Variants in PDE8A observed in about 807,000 individuals in gnomAD.
PDE8A encodes the protein phosphodiesterase 8A, also known as high affinity cAMP-specific and IBMX-insensitive 3',5'-cyclic phosphodiesterase 8A.
Under a neutral mutation model 105.0 loss-of-function variants are expected in PDE8A, and 59 were observed. The observed-to-expected ratio is 0.56, with a 90% CI of 0.46 to 0.70. PDE8A has a LOEUF of 0.70. PDE8A is among the 30% of genes least tolerant of loss of function. PDE8A has a pLI of 0.00. For synonymous variants in PDE8A, 355 were observed against 371.9 expected, an observed-to-expected ratio of 0.95 and a Z score of 0.52; for missense variants, 1,014 against 1,045.9, an observed-to-expected ratio of 0.97 and a Z score of 0.42.
intron 21 of PDE8A, among the ~76,000 whole-genome samples, chr15:85,137,084 GC>G (rs1416386621): frequency 6.6e-6 from 1 of 152,126 alleles, no homozygotes; most frequent in Non-Finnish European, 1.5e-5. Flanking sequence ...TTCAGGTGGG[GC>G]ACAGGAGTCT....
intron 12 of PDE8A, among the ~76,000 whole-genome samples, chr15:85,112,805 G>C (rs889529876): frequency 6.6e-6 from 1 of 152,176 alleles, no homozygotes; most frequent in Non-Finnish European, 1.5e-5. Context: ...TATCTTGACA[G>C]GAACAACAGA....
chr15:85,083,810 G>T (rs1004668928), intron 6 of PDE8A, among the ~76,000 whole-genome samples, 166 bp downstream of exon 6: 9 of 152,198 alleles, frequency 5.9e-5, no homozygotes, highest in Admixed American at 2.6e-4. Flanking sequence ...CTGCCTGGAT[G>T]TCTAATAAGG....
intron 11 of PDE8A, among the ~76,000 whole-genome samples, chr15:85,102,927 A>C (rs1596522168): frequency 6.7e-6 from 1 of 149,764 alleles, no homozygotes; most frequent in Non-Finnish European, 1.5e-5. Context: ...TGAGGCTCAG[A>C]AAAGTTCAAT....
rs546194907 is a variant in PDE8A at position 85,119,468 on chromosome 15, C to CAA, written c.1735-1317_1735-1316dup. 1.4e-3 allele frequency among the ~76,000 whole-genome samples: 82 copies of CAA among 58,558 alleles called. 11 individuals carry two copies. Among genetic ancestry groups the CAA allele is most frequent in the African/African-American group, 4.3e-3 (67 of 15,630 alleles). The allele number at this position is 58,558 out of a possible 152,430, so 38.4% of individuals were successfully genotyped here. A position where few individuals can be genotyped will look rare whatever the true frequency, so the allele number is the denominator to read the frequency against. Reference sequence around the variant, plus strand: ...GGGTGACAGAGCAAGACTCTCGTCTCAAAAAAAAAAAAACATTTATTGAAA... The same window carrying CAA: ...GGGTGACAGAGCAAGACTCTCGTCTCAAAAAAAAAAAAAAACATTTATTGAAA... On this transcript the variant is annotated intron_variant, in intron 17 of 21. Coordinates refer to ENST00000394553, the MANE Select transcript of PDE8A (RefSeq NM_002605.3).
At chr15:85,025,607 A>G (rs1431977944) in intron 1 of PDE8A, among the ~76,000 whole-genome samples, 1 of 152,200 alleles carries the variant, frequency 6.6e-6, no homozygotes, top group African/African-American at 2.4e-5. Flanking sequence ...TTAGACTGCT[A>G]ATCCTTAACA....
chr15:85,066,431 C>T (rs983973070), intron 2 of PDE8A, among the ~76,000 whole-genome samples: 4 of 151,806 alleles, frequency 2.6e-5, no homozygotes, highest in African/African-American at 9.7e-5. Context: ...CATGTGGTGG[C>T]GCACACCTGT....
intron 20 of PDE8A, among the ~76,000 whole-genome samples, chr15:85,130,044 G>A (rs2082309184): frequency 6.6e-6 from 1 of 152,188 alleles, no homozygotes; most frequent in Admixed American, 6.5e-5. Context: ...GGCTGTGCAA[G>A]CATAGAACTA....
intron 1 of PDE8A, among the ~76,000 whole-genome samples, chr15:85,042,630 A>G (rs1327134389): frequency 6.6e-6 from 1 of 152,218 alleles, no homozygotes; most frequent in East Asian, 1.9e-4. Context: ...CAGAGATAGC[A>G]TGTTTAGCTT....
At chr15:85,133,730 A>T (rs1431871169) in intron 20 of PDE8A, among the ~76,000 whole-genome samples, 1 of 152,188 alleles carries the variant, frequency 6.6e-6, no homozygotes, top group Non-Finnish European at 1.5e-5. Flanking sequence ...ACATTAAGAT[A>T]CAGTTGCTTC....
chr15:85,019,278 A>G (rs775962933), intron 1 of PDE8A, among the ~76,000 whole-genome samples: 1 of 152,242 alleles, frequency 6.6e-6, no homozygotes, highest in Non-Finnish European at 1.5e-5. Flanking sequence ...AAATCTGCAT[A>G]CACACATAGA....
intron 1 of PDE8A, among the ~76,000 whole-genome samples, chr15:85,033,693 C>A (rs531363763): frequency 1.3e-5 from 2 of 151,982 alleles, no homozygotes; most frequent in South Asian, 4.2e-4. Context: ...GGTGAAACCC[C>A]GTCTCTACTA....
Position 84,982,241 on chromosome 15 carries a change from T to TCG in PDE8A, c.80_81dup (p.Ser28ArgfsTer37). Reference sequence around the variant, plus strand: ...GCCTAGCCCCGCGGCACCGCCGCTGTCGTCCGGCGGGCCGCGCCTCCCGCA... The same window carrying TCG: ...GCCTAGCCCCGCGGCACCGCCGCTGTCGCGTCCGGCGGGCCGCGCCTCCCGCA... On this transcript the variant is annotated frameshift_variant, in exon 1 of 22. Coordinates refer to ENST00000394553, the MANE Select transcript of PDE8A (RefSeq NM_002605.3). LOFTEE classifies it high-confidence loss of function. The TCG allele has an allele frequency of 6.8e-7, 1 of 1,464,908 alleles. No individual in the cohort carries two copies. The highest frequency in any genetic ancestry group is 2.6e-5 in the Admixed American group (1 of 39,182). 90.7% of individuals were successfully genotyped at this position (1,464,908 alleles called of 1,614,324 possible).
At chr15:85,018,610 A>T (rs946111985) in intron 1 of PDE8A, among the ~76,000 whole-genome samples, 1 of 152,184 alleles carries the variant, frequency 6.6e-6, no homozygotes, top group Non-Finnish European at 1.5e-5. Context: ...AATTATGTGT[A>T]TATATCTTAT....
intron 1 of PDE8A, among the ~76,000 whole-genome samples, chr15:85,032,265 G>A (rs755512302): frequency 6.6e-6 from 1 of 152,216 alleles, no homozygotes; most frequent in Non-Finnish European, 1.5e-5. Flanking sequence ...ATGTAAAGGA[G>A]CAGTCTGTAA....
chr15:85,123,267 TATG>T, intron 19 of PDE8A, 74 bp downstream of exon 19: 4 of 1,458,236 alleles, frequency 2.7e-6, no homozygotes, highest in South Asian at 1.2e-5. Flanking sequence ...ACACATGGGC[TATG>T]ATATCAGCCA....
chr15:84,997,206 C>CT (rs1290397791), intron 1 of PDE8A, among the ~76,000 whole-genome samples: 2 of 147,374 alleles, frequency 1.4e-5, no homozygotes, highest in African/African-American at 5.0e-5. Context: ...GTTTTTTTTT[C>CT]TTTTTGAGAC....
In PDE8A at chr15:85,138,749, CTTCACAGG is replaced by C. The variant is rs2082454451; in HGVS notation, c.*848_*855del. The C allele has an allele frequency of 6.6e-6, 1 of 152,204 alleles. No homozygotes were observed. The highest frequency in any genetic ancestry group is 2.4e-5 in the African/African-American group (1 of 41,442). 9.4% of individuals were successfully genotyped at this position (152,204 alleles called of 1,614,324 possible). ...GAAACAGCTCTAGCCGCCTAATGCA[CTTCACAGG>C]TAACTCCCCAAGGTAAAACTAGACT... is the stretch of plus-strand genomic sequence containing the variant. On this transcript the variant is annotated 3_prime_UTR_variant, in exon 22 of 22. Coordinates refer to ENST00000394553, the MANE Select transcript of PDE8A (RefSeq NM_002605.3).
intron 11 of PDE8A, among the ~76,000 whole-genome samples, chr15:85,104,353 G>A (rs990399076): frequency 2.0e-5 from 3 of 152,164 alleles, no homozygotes; most frequent in Admixed American, 1.3e-4. Context: ...GGGAGAAGCA[G>A]CACCCATAAA....
chr15:85,049,693 A>G (rs1251304667), intron 1 of PDE8A, among the ~76,000 whole-genome samples: 2 of 152,240 alleles, frequency 1.3e-5, no homozygotes, highest in Admixed American at 6.5e-5. Context: ...GACTGCAGGC[A>G]CACGCCACCA....
Sources: gnomAD v4.1 joint callset for allele counts (sites outside exome capture counted in the v4.1 genomes callset) on GRCh38, gnomAD v4.1.1 for gene constraint, MANE v1.5 for transcripts, NCBI Gene and HGNC (gene_info 2026-07-23, HGNC 2026-07-21) for gene names.